DAB1: variants seen among roughly 807,000 people sequenced by gnomAD.
The protein encoded by DAB1 is DAB adaptor protein 1.
DAB1 carries 15 observed loss-of-function variants against 64.6 expected under a neutral mutation model. The ratio of observed to expected loss-of-function variants is 0.23; its 90% CI spans 0.16 to 0.36. DAB1 has a LOEUF of 0.36. DAB1 is among the 10% of genes least tolerant of loss of function. The probability of loss-of-function intolerance (pLI) is 1.00; values close to 1 mark genes in which losing one functional copy is unlikely to be tolerated. For synonymous variants in DAB1, 235 were observed against 251.9 expected (o/e 0.93, Z 0.64); for missense variants, 596 against 706.7 (o/e 0.84, Z 1.78).
chr1:58,151,642 G>T (rs1191763282), intron 4 of DAB1, among the ~76,000 whole-genome samples: 1 of 152,158 alleles, frequency 6.6e-6, no homozygotes, highest in African/African-American at 2.4e-5. Context: ...GCATACCCTG[G>T]CCAGAACGCT....
chr1:57,023,474 T>C (rs1306661254), intron 11 of DAB1, 57 bp downstream of exon 11: 2 of 1,009,324 alleles, frequency 2.0e-6, no homozygotes, highest in Non-Finnish European at 3.1e-6. Context: ...TGTAAACTCT[T>C]TCTCTCTCTT....
intron 6 of DAB1, among the ~76,000 whole-genome samples, chr1:57,698,941 T>C (rs1646876600): frequency 6.6e-6 from 1 of 152,190 alleles, no homozygotes; most frequent in African/African-American, 2.4e-5. Flanking sequence ...ATTATTTACT[T>C]AATTAATTTT....
intron 4 of DAB1, among the ~76,000 whole-genome samples, chr1:58,234,478 CA>C (rs753398840): frequency 3.9e-5 from 6 of 152,190 alleles, no homozygotes; most frequent in Non-Finnish European, 8.8e-5. Context: ...ACCTTCCCAG[CA>C]GGCAATGTGC....
chr1:58,235,421 T>C (rs1443088851), intron 4 of DAB1, among the ~76,000 whole-genome samples: 1 of 152,202 alleles, frequency 6.6e-6, no homozygotes, highest in African/African-American at 2.4e-5. Flanking sequence ...TCTAAGCACC[T>C]GGGCTATGAG....
At chr1:57,090,269 AG>A (rs1266320220) in intron 4 of DAB1, among the ~76,000 whole-genome samples, 1 of 152,224 alleles carries the variant, frequency 6.6e-6, no homozygotes, top group African/African-American at 2.4e-5. Flanking sequence ...AGCAGAACAA[AG>A]ACCCCTGCTG....
At chr1:57,775,563 G>T (rs902229078) in intron 6 of DAB1, among the ~76,000 whole-genome samples, 1 of 151,292 alleles carries the variant, frequency 6.6e-6, no homozygotes. Flanking sequence ...AAAAAAAATT[G>T]ATTTTTAATC....
chr1:57,136,771 A>ATATT (rs1321786382), intron 3 of DAB1, 130 bp from the exon 4 acceptor site: 1 of 462,654 alleles, frequency 2.2e-6, no homozygotes, highest in East Asian at 3.3e-5. Flanking sequence ...TCGCACTTCC[A>ATATT]TATTTCTCTA....
intron 2 of DAB1, among the ~76,000 whole-genome samples, chr1:57,163,975 T>C (rs541335483): frequency 1.3e-4 from 20 of 152,288 alleles, no homozygotes; most frequent in Non-Finnish European, 2.9e-4. Context: ...TCCAAATGCC[T>C]GCTCTGCCAG....
chr1:57,026,651 A>T lies in DAB1; in HGVS notation c.724-608T>A, dbSNP rs117610853. On this transcript the variant is annotated intron_variant, in intron 9 of 14. Coordinates refer to ENST00000371236, the MANE Select transcript of DAB1 (RefSeq NM_001365792.1). Reference sequence around the variant, plus strand: ...CTCTCTGAAAGAGTCCATCTTTAGGATAAAAAAATGTGGTTGGAGGAAAAG... The same window carrying T: ...CTCTCTGAAAGAGTCCATCTTTAGGTTAAAAAAATGTGGTTGGAGGAAAAG... Among the ~76,000 whole-genome samples the T allele has an allele frequency of 4.1e-4, 62 of 152,304 alleles. 1 individual carries two copies. The East Asian group carries it at 0.012, about 29-fold the overall frequency.
chr1:58,056,296 T>C lies in DAB1; in HGVS notation n.387+94215A>G, dbSNP rs547377901. 473 of 1,455,212 alleles carry C rather than the reference T, an allele frequency of 3.3e-4. 6 individuals carry two copies. The South Asian group carries it at 4.9e-3, about 15-fold the overall frequency. 90.1% of individuals were successfully genotyped at this position (1,455,212 alleles called of 1,614,324 possible). A position where few individuals can be genotyped will look rare whatever the true frequency, so the allele number is the denominator to read the frequency against. ...CTTCACATACAGCTTGGGAAGCACA[T>C]AGGCATCGAAGACGCTCGCTTCAGA... On this transcript the variant is annotated intron_variant and non_coding_transcript_variant, in intron 5 of 20. Transcript: ENST00000485760.
At chr1:58,242,593 C>T (rs1660347690) in intron 4 of DAB1, among the ~76,000 whole-genome samples, 1 of 152,128 alleles carries the variant, frequency 6.6e-6, no homozygotes, top group Non-Finnish European at 1.5e-5. Context: ...ACCTTTATAT[C>T]ATTTTATACT....
intron 4 of DAB1, among the ~76,000 whole-genome samples, chr1:58,151,154 T>G (rs1055467481): frequency 1.3e-5 from 2 of 152,160 alleles, no homozygotes; most frequent in Admixed American, 6.5e-5. Flanking sequence ...AATAAACATA[T>G]GTGTGCATGT....
chr1:58,289,884 A>G (rs1661773369), intron 4 of DAB1, among the ~76,000 whole-genome samples: 1 of 152,244 alleles, frequency 6.6e-6, no homozygotes, highest in South Asian at 2.1e-4. Context: ...AAACCAAAGA[A>G]TACCTACAAG....
chr1:58,300,652 GGAAGGAAGGAAGGAAGGA>G (rs1662144757), intron 4 of DAB1, among the ~76,000 whole-genome samples: 1 of 84,654 alleles, frequency 1.2e-5, no homozygotes, highest in Non-Finnish European at 2.3e-5. Context: ...GAGAGAGGAA[GGAAGGAAGGAAGGAAGGA>G]AGGAAGGAAG....
intron 9 of DAB1, among the ~76,000 whole-genome samples, chr1:57,053,089 G>C (rs2100533223): frequency 6.6e-6 from 1 of 152,322 alleles, no homozygotes; most frequent in South Asian, 2.1e-4. Flanking sequence ...GCCCTGAGAT[G>C]TCAGTAGCGG....
In DAB1 at chr1:58,336,232, T is replaced by C. The variant is rs145355339; in HGVS notation, n.309+7120A>G. The stretch of plus-strand genomic sequence containing the variant: ...GATGCAAACATCCAGGACATACCAA[T>C]TCCCTCAGCATGCTGGGGTCTAGGC... On this transcript the variant is annotated intron_variant and non_coding_transcript_variant, in intron 4 of 20. Transcript: ENST00000485760. 6.0e-4 allele frequency among the ~76,000 whole-genome samples: 92 copies of C among 152,306 alleles called. No individual in the cohort carries two copies. In the East Asian group the frequency reaches 0.016, roughly 26 times the overall value.
intron 6 of DAB1, among the ~76,000 whole-genome samples, chr1:57,758,003 G>C (rs1425681324): frequency 6.6e-6 from 1 of 152,144 alleles, no homozygotes; most frequent in Admixed American, 6.6e-5. Flanking sequence ...AAATTGTAGA[G>C]ATGGGGTCTT....
chr1:57,870,872 A>G (rs1200549060), intron 1 of DAB1, among the ~76,000 whole-genome samples: 2 of 152,174 alleles, frequency 1.3e-5, no homozygotes, highest in African/African-American at 4.8e-5. Flanking sequence ...CTCATCTGTA[A>G]AAGAGGGTGA....
chr1:58,437,384 C>A (rs191123375), intron 3 of DAB1, among the ~76,000 whole-genome samples: 123 of 152,280 alleles, frequency 8.1e-4, no homozygotes, highest in African/African-American at 2.7e-3. Context: ...GAAAGCCGGG[C>A]AGGAGGACTC....
Sources: allele counts gnomAD v4.1 joint callset (sites outside exome capture counted in the v4.1 genomes callset), GRCh38; gene constraint gnomAD v4.1.1; transcripts MANE v1.5; gene names NCBI Gene and HGNC (gene_info 2026-07-23, HGNC 2026-07-21).